CCDC57: variants seen among roughly 807,000 people sequenced by gnomAD.
CCDC57 encodes the protein coiled-coil domain-containing protein 57.
A neutral mutation model predicts 118.9 loss-of-function variants in CCDC57; 118 were observed. The ratio of observed to expected loss-of-function variants is 0.99; its 90% CI spans 0.86 to 1.16. CCDC57 has a LOEUF of 1.16. Ranked by LOEUF, CCDC57 falls within the 50% of genes most tolerant of loss-of-function variation. The probability of loss-of-function intolerance (pLI) is 0.00; values close to 1 mark genes in which losing one functional copy is unlikely to be tolerated. For missense variants in CCDC57, 1,300 were observed against 1,320.7 expected, an observed-to-expected ratio of 0.98 and a Z score of 0.24; for synonymous variants, 527 against 532.9, an observed-to-expected ratio of 0.99 and a Z score of 0.15.
Position 82,201,442 on chromosome 17 carries a change from G to T in CCDC57, c.407+96C>A, listed in dbSNP as rs906458493. ...AATCAGCAGCGGGAGGAGGGGCAGTGAGAGTGGGCAGTGCTCGGGCAGCAC... is the reference window on the plus strand; with the variant it reads ...AATCAGCAGCGGGAGGAGGGGCAGTTAGAGTGGGCAGTGCTCGGGCAGCAC... On this transcript the variant is annotated intron_variant, in intron 3 of 19. Transcript: ENST00000665763. 1.2e-5 allele frequency: 17 copies of T among 1,381,626 alleles called. No individual in the cohort carries two copies. In the South Asian group the frequency reaches 2.5e-4, roughly 20 times the overall value. 85.6% of individuals were successfully genotyped at this position (1,381,626 alleles called of 1,614,324 possible). A position where few individuals can be genotyped will look rare whatever the true frequency, so the allele number is the denominator to read the frequency against.
intron 19 of CCDC57, among the ~76,000 whole-genome samples, chr17:82,105,528 G>A (rs1019449393): frequency 6.6e-6 from 1 of 152,052 alleles, no homozygotes; most frequent in Non-Finnish European, 1.5e-5. Context: ...CCCACGCCTG[G>A]GAGGCTCACA....
At chr17:82,101,544 A>C (rs759269003) in exon 20 of CCDC57, 5 of 736,752 alleles carry the variant, frequency 6.8e-6, no homozygotes, top group Non-Finnish European at 2.2e-6. Context: ...CCTCAGCAGC[A>C]TTTGGGAGCC....
chr17:82,131,879 G>A (rs2038417631), intron 17 of CCDC57, among the ~76,000 whole-genome samples: 1 of 152,100 alleles, frequency 6.6e-6, no homozygotes, highest in African/African-American at 2.4e-5. Context: ...ACTTTGGGAG[G>A]CTGAGGCAGG....
intron 17 of CCDC57, among the ~76,000 whole-genome samples, chr17:82,130,318 C>T (rs773237293): frequency 5.3e-5 from 8 of 151,588 alleles, no homozygotes; most frequent in Non-Finnish European, 7.4e-5. Context: ...CTCAGCCTTC[C>T]GAGTAGCTGG....
intron 5 of CCDC57, among the ~76,000 whole-genome samples, chr17:82,194,664 G>T (rs953093224): frequency 2.0e-5 from 3 of 152,136 alleles, no homozygotes; most frequent in Admixed American, 6.6e-5. Context: ...CTATTAGGGT[G>T]CCCCATACAT....
At chr17:82,151,041 ACCCAGAACC>A (rs2041933058) in intron 16 of CCDC57, among the ~76,000 whole-genome samples, 1 of 104,542 alleles carries the variant, frequency 9.6e-6, no homozygotes, top group Non-Finnish European at 1.9e-5. Context: ...CCTGGCGCAC[ACCCAGAACC>A]TGACCCGCAC....
intron 19 of CCDC57, among the ~76,000 whole-genome samples, chr17:82,119,152 G>A (rs1281047396): frequency 0.12 from 2 of 16 alleles, 1 homozygote; most frequent in African/African-American, 0.25. Context: ...TGAGAAATTA[G>A]TCGTATTTTG....
chr17:82,179,024 C>T lies in CCDC57; in HGVS notation c.1374+3G>A, dbSNP rs762125950. 8.7e-6 allele frequency: 14 copies of T among 1,613,100 alleles called. No homozygotes were observed. The highest frequency in any genetic ancestry group is 8.0e-5 in the African/African-American group (6 of 74,936). On this transcript the variant is annotated splice_donor_region_variant and intron_variant, in intron 10 of 19. Transcript: ENST00000665763. ...GGCCCCAGGCCCTGGTGGCCGCACACACCTGACTTTTTGCCATGCTCAGAC... is the reference window on the plus strand; with the variant it reads ...GGCCCCAGGCCCTGGTGGCCGCACATACCTGACTTTTTGCCATGCTCAGAC...
At chr17:82,197,139 C>T (rs1445346514) in intron 4 of CCDC57, among the ~76,000 whole-genome samples, 1 of 150,400 alleles carries the variant, frequency 6.6e-6, no homozygotes, top group East Asian at 2.0e-4. Context: ...CCTGCAGAGA[C>T]ACAGCCCCTC....
intron 1 of CCDC57, among the ~76,000 whole-genome samples, chr17:82,210,048 A>G (rs2050059488): frequency 6.6e-6 from 1 of 152,112 alleles, no homozygotes; most frequent in Non-Finnish European, 1.5e-5. Context: ...GTGATGCCAG[A>G]AAGAAAGAAA....
intron 14 of CCDC57, among the ~76,000 whole-genome samples, chr17:82,161,140 C>G (rs35713597): frequency 0.47 from 70,863 of 151,684 alleles, 17,323 homozygotes; most frequent in East Asian, 0.88. Flanking sequence ...AAATGCAAAT[C>G]AAAACCACAG....
At chr17:82,158,097 T>C in intron 14 of CCDC57, 149 bp from the exon 14 acceptor site, 1 of 1,429,898 alleles carries the variant, frequency 7.0e-7, no homozygotes, top group South Asian at 1.5e-5. Context: ...GCAACTGCCC[T>C]CAGCCCTCTG....
chr17:82,207,725 A>G (rs1189004509), intron 2 of CCDC57: 1 of 152,190 alleles, frequency 6.6e-6, no homozygotes, highest in African/African-American at 2.4e-5. Flanking sequence ...GCTCTGTGTG[A>G]CTTACTCTTT....
intron 19 of CCDC57, chr17:82,107,569 C>T (rs1433503932): frequency 8.5e-6 from 4 of 470,874 alleles, no homozygotes; most frequent in African/African-American, 2.0e-5. Context: ...GCTCGGCACA[C>T]TGTGAGGATG....
intron 19 of CCDC57, chr17:82,113,393 G>T: frequency 1.4e-6 from 1 of 717,616 alleles, no homozygotes; most frequent in Non-Finnish European, 2.6e-6. Flanking sequence ...AGCTTGTCCT[G>T]AGAGCAGCAA....
intron 19 of CCDC57, chr17:82,127,196 G>A (rs2037570459): frequency 2.0e-6 from 2 of 985,470 alleles, no homozygotes; most frequent in Non-Finnish European, 2.4e-6. Flanking sequence ...GCAGGACGAG[G>A]ATGAGGATGC....
intron 2 of CCDC57, among the ~76,000 whole-genome samples, chr17:82,203,941 G>A (rs2049288162): frequency 6.6e-6 from 1 of 152,322 alleles, no homozygotes; most frequent in African/African-American, 2.4e-5. Context: ...AACTCCCAGA[G>A]GGAGCGGGTA....
chr17:82,184,765 C>G (rs948214022), intron 8 of CCDC57, among the ~76,000 whole-genome samples: 1 of 152,186 alleles, frequency 6.6e-6, no homozygotes, highest in African/African-American at 2.4e-5. Context: ...GTGGTGCACT[C>G]AAGCCTGGTA....
intron 5 of CCDC57, 129 bp downstream of exon 4, chr17:82,195,134 T>TTGAACTCCTGGGCC (rs1331953140): frequency 4.1e-6 from 3 of 726,660 alleles, no homozygotes; most frequent in Non-Finnish European, 7.3e-6. Context: ...CTCGCTGGGC[T>TTGAACTCCTGGGCC]TGAACTCCTG....
Sources: allele counts gnomAD v4.1 joint callset (sites outside exome capture counted in the v4.1 genomes callset), GRCh38; gene constraint gnomAD v4.1.1; transcripts MANE v1.5; gene names NCBI Gene and HGNC (gene_info 2026-07-23, HGNC 2026-07-21).